Variants in GALNT13 observed in about 807,000 individuals in gnomAD.
GALNT13 encodes polypeptide N-acetylgalactosaminyltransferase 13.
In GALNT13, 28 loss-of-function variants were observed where a neutral mutation model predicts 64.2. The ratio of observed to expected loss-of-function variants is 0.44; its 90% CI spans 0.32 to 0.60. The LOEUF is 0.60. Among genes scored for constraint, GALNT13 ranks in the 20% least tolerant of loss-of-function variants. GALNT13 has a pLI of 0.05. For synonymous variants in GALNT13, 214 were observed against 224.6 expected (o/e 0.95, Z 0.42); for missense variants, 577 against 669.8 (o/e 0.86, Z 1.53).
chr2:153,650,077 C>T, the GALNT13 span, among the ~76,000 whole-genome samples: 2 of 152,172 alleles, frequency 1.3e-5, no homozygotes, highest in East Asian at 1.9e-4. Context: ...TAAAGTTTCC[C>T]ATTATTATTG....
At chr2:154,191,263 G>A (rs369523825) in intron 4 of GALNT13, among the ~76,000 whole-genome samples, 14 of 152,072 alleles carry the variant, frequency 9.2e-5, no homozygotes, top group Admixed American at 3.9e-4. Flanking sequence ...GCACGCGCAC[G>A]CACGCACACA....
At chr2:153,230,542 T>C in the GALNT13 span, among the ~76,000 whole-genome samples, 1 of 152,192 alleles carries the variant, frequency 6.6e-6, no homozygotes, top group Non-Finnish European at 1.5e-5. Context: ...TTCATCATGA[T>C]GTTATGAATT....
chr2:153,292,696 A>G, the GALNT13 span, among the ~76,000 whole-genome samples: 1 of 152,158 alleles, frequency 6.6e-6, no homozygotes, highest in Non-Finnish European at 1.5e-5. Context: ...AACTGTAGTA[A>G]TCCCAGGGAA....
chr2:153,167,230 G>A, the GALNT13 span, among the ~76,000 whole-genome samples: 1 of 152,158 alleles, frequency 6.6e-6, no homozygotes, highest in South Asian at 2.1e-4. Context: ...ATAATATGTG[G>A]TATCCATCCC....
At chr2:153,461,438 G>A in the GALNT13 span, among the ~76,000 whole-genome samples, 1 of 152,016 alleles carries the variant, frequency 6.6e-6, no homozygotes, top group African/African-American at 2.4e-5. Context: ...CAGCCATCCT[G>A]GGTCAAAGCC....
chr2:154,341,641 A>C (rs1695778853), intron 9 of GALNT13, among the ~76,000 whole-genome samples: 1 of 152,066 alleles, frequency 6.6e-6, no homozygotes, highest in Non-Finnish European at 1.5e-5. Context: ...GAAAAGAGGC[A>C]CATAGGCCAC....
the GALNT13 span, among the ~76,000 whole-genome samples, chr2:153,266,760 T>G: frequency 6.6e-6 from 1 of 152,078 alleles, no homozygotes; most frequent in Admixed American, 6.5e-5. Context: ...GAGATTTGGG[T>G]GGGGACACAG....
chr2:153,794,825 A>T, the GALNT13 span, among the ~76,000 whole-genome samples: 1 of 152,156 alleles, frequency 6.6e-6, no homozygotes, highest in East Asian at 1.9e-4. Context: ...AGCCTGGATA[A>T]CTTTTTCTTA....
Position 154,405,995 on chromosome 2 carries a change from A to G in GALNT13, c.1297-2989A>G, listed in dbSNP as rs1050313397. Among the ~76,000 whole-genome samples the G allele has an allele frequency of 3.9e-5, 6 of 152,316 alleles. No individual in the cohort carries two copies. The East Asian group carries it at 9.6e-4, about 24-fold the overall frequency. ...GTAAATGGAGTAACATTTAAAAGGT[A>G]GTCAAGTTTGGTGAGTCATGGATTT... is the stretch of plus-strand genomic sequence containing the variant. On this transcript the variant is annotated intron_variant, in intron 10 of 12. Coordinates refer to ENST00000392825, the MANE Select transcript of GALNT13 (RefSeq NM_052917.4).
chr2:153,490,028 CAG>C, the GALNT13 span, among the ~76,000 whole-genome samples: 436 of 151,340 alleles, frequency 2.9e-3, 3 homozygotes, highest in Middle Eastern at 0.027. Context: ...CAATACAAAA[CAG>C]GGGCAGCTTC....
At chr2:153,465,572 C>CTGTA in the GALNT13 span, among the ~76,000 whole-genome samples, 1 of 151,606 alleles carries the variant, frequency 6.6e-6, no homozygotes, top group Non-Finnish European at 1.5e-5. Context: ...ATCCATGAGT[C>CTGTA]TGTACCTCAA....
At chr2:154,417,803 C>G (rs538218579) in intron 11 of GALNT13, among the ~76,000 whole-genome samples, 1 of 152,044 alleles carries the variant, frequency 6.6e-6, no homozygotes, top group Non-Finnish European at 1.5e-5. Flanking sequence ...TGAGCCACCG[C>G]GCCCGGCCAC....
the GALNT13 span, among the ~76,000 whole-genome samples, chr2:153,672,502 A>G: frequency 6.6e-6 from 1 of 152,224 alleles, no homozygotes; most frequent in African/African-American, 2.4e-5. Context: ...CTTTGAAACC[A>G]ATGAGAACAA....
At chr2:153,547,259 T>A in the GALNT13 span, among the ~76,000 whole-genome samples, 2 of 152,232 alleles carry the variant, frequency 1.3e-5, no homozygotes, top group African/African-American at 2.4e-5. Context: ...ATAAAACAAC[T>A]GAGAAGATAC....
intron 3 of GALNT13, among the ~76,000 whole-genome samples, chr2:154,110,410 G>C (rs1253258509): frequency 2.8e-5 from 4 of 141,952 alleles, no homozygotes; most frequent in African/African-American, 1.0e-4. Context: ...GACAGAGAGA[G>C]AGAGGAGTTT....
the GALNT13 span, among the ~76,000 whole-genome samples, chr2:153,295,014 A>T: frequency 6.6e-6 from 1 of 152,186 alleles, no homozygotes; most frequent in Non-Finnish European, 1.5e-5. Flanking sequence ...TTTGCATCTG[A>T]AATTTTCCTA....
chr2:154,131,835 A>G (rs1682638464), intron 3 of GALNT13, among the ~76,000 whole-genome samples: 1 of 152,214 alleles, frequency 6.6e-6, no homozygotes. Context: ...CAAAACCTCA[A>G]AAGTAGGGAA....
chr2:153,959,373 C>A (rs1574207653), intron 3 of GALNT13, among the ~76,000 whole-genome samples: 1 of 152,318 alleles, frequency 6.6e-6, no homozygotes, highest in Non-Finnish European at 1.5e-5. Flanking sequence ...GGACCTCTAA[C>A]AACCAAGTGT....
the GALNT13 span, chr2:153,478,848 CCCGGCCGTGGGAGGTGCGGGCCGCGGCG>C: frequency 2.6e-6 from 1 of 389,820 alleles, no homozygotes; most frequent in Non-Finnish European, 4.7e-6. Context: ...GCTGGACCAG[CCCGGCCGTGGGAGGTGCGGGCCGCGGCG>C]GCTGCAGCGG....
Sources: allele counts gnomAD v4.1 joint callset (sites outside exome capture counted in the v4.1 genomes callset), GRCh38; gene constraint gnomAD v4.1.1; transcripts MANE v1.5; gene names NCBI Gene and HGNC (gene_info 2026-07-23, HGNC 2026-07-21).